NFATC3: variants seen among roughly 807,000 people sequenced by gnomAD.
NFATC3 encodes nuclear factor of activated T-cells, cytoplasmic 3.
Under a neutral mutation model 98.6 loss-of-function variants are expected in NFATC3, and 46 were observed. The observed-to-expected ratio is 0.47, with a 90% CI of 0.37 to 0.60. The LOEUF is 0.60. Ranked by LOEUF, NFATC3 falls within the 20% of genes least tolerant of loss-of-function variation. NFATC3 has a pLI of 0.00. For synonymous variants in NFATC3, 512 were observed against 472.2 expected (o/e 1.08, Z -1.09); for missense variants, 1,256 against 1,295.5 (o/e 0.97, Z 0.47).
At chr16:68,150,724 T>C (rs778077533) in intron 3 of NFATC3, among the ~76,000 whole-genome samples, 2 of 152,226 alleles carry the variant, frequency 1.3e-5, no homozygotes, top group African/African-American at 2.4e-5. Flanking sequence ...AATCTCATCT[T>C]GAATTGTAAT....
At position 68,094,571 on chromosome 16, in the gene NFATC3, G is replaced by C. The variant is rs79314716; in HGVS notation, c.103+8787G>C. On this transcript the variant is annotated intron_variant, in intron 1 of 9. Transcript: ENST00000346183. ...CATTTATTCTTCTCTCTCAAGATCA[G>C]TACTCTTTTGGATTTTCTCTCTCTC... Among the ~76,000 whole-genome samples, 551 of 152,172 alleles carry C rather than the reference G, an allele frequency of 3.6e-3. 6 individuals carry two copies. The highest frequency in any genetic ancestry group is 0.012 in the African/African-American group (509 of 41,526).
rs145880907 is a variant in NFATC3 at position 68,191,402 on chromosome 16, A to G, written c.2733A>G (p.Gln911=). The stretch of plus-strand genomic sequence containing the variant: ...CAGGTCAGCCTTCGTCTCAGTTACA[A>G]CCTATTACATATGGTCCTTCACATT... The part of the protein sequence containing the change: ...QITGQPSSQL[Q]PITYGPSHSG... The change falls in exon 9 of 10, where the codon CAA becomes CAG. Residue 911 remains glutamine, a synonymous_variant. Transcript: ENST00000346183. 1.5e-5 allele frequency: 24 copies of G among 1,613,920 alleles called. No homozygotes were observed. The highest frequency in any genetic ancestry group is 2.2e-5 in the East Asian group (1 of 44,892).
intron 5 of NFATC3, among the ~76,000 whole-genome samples, chr16:68,173,064 C>G (rs112210284): frequency 0.047 from 7,060 of 151,540 alleles, 520 homozygotes; most frequent in African/African-American, 0.16. Context: ...CGAGAACAGC[C>G]TGGGCAACAA....
chr16:68,137,948 C>T (rs1468063438), intron 3 of NFATC3, among the ~76,000 whole-genome samples: 1 of 150,738 alleles, frequency 6.6e-6, no homozygotes, highest in Non-Finnish European at 1.5e-5. Context: ...AACACTTTCA[C>T]GTTATCTCAT....
chr16:68,125,791 A>G (rs759433866), intron 2 of NFATC3, among the ~76,000 whole-genome samples: 4 of 152,234 alleles, frequency 2.6e-5, no homozygotes, highest in African/African-American at 7.2e-5. Context: ...CATAGTTGAG[A>G]AAAATTTACA....
At chr16:68,187,082 G>A (rs2040235640) in intron 8 of NFATC3, among the ~76,000 whole-genome samples, 1 of 152,226 alleles carries the variant, frequency 6.6e-6, no homozygotes, top group Non-Finnish European at 1.5e-5. Flanking sequence ...GTGAGTGAGT[G>A]AGCGTGGGGT....
At chr16:68,214,299 T>A (rs760208406) in intron 9 of NFATC3, 18 of 1,562,590 alleles carry the variant, frequency 1.2e-5, no homozygotes, top group Non-Finnish European at 1.6e-5. Flanking sequence ...TTTGTTCCAT[T>A]CAGTAGTGAT....
intron 1 of NFATC3, among the ~76,000 whole-genome samples, chr16:68,095,867 G>A (rs559054273): frequency 3.9e-5 from 6 of 152,304 alleles, no homozygotes; most frequent in Non-Finnish European, 8.8e-5. Context: ...ATTCATTTTT[G>A]TTGTGTGGTT....
intron 4 of NFATC3, among the ~76,000 whole-genome samples, chr16:68,163,847 G>T: frequency 1.3e-5 from 2 of 151,326 alleles, no homozygotes; most frequent in Admixed American, 6.6e-5. Context: ...ATGGGATGGC[G>T]GCCGGGAAGA....
intron 9 of NFATC3, chr16:68,217,644 C>A (rs1169052971): frequency 8.1e-7 from 1 of 1,230,866 alleles, no homozygotes; most frequent in Non-Finnish European, 1.0e-6. Flanking sequence ...TAGGAAATTT[C>A]TCTCACACCT....
chr16:68,166,564 T>C (rs1030043828), intron 4 of NFATC3, among the ~76,000 whole-genome samples: 2 of 152,190 alleles, frequency 1.3e-5, no homozygotes, highest in African/African-American at 2.4e-5. Flanking sequence ...GCATAGATAC[T>C]CTACGTCTTA....
At chr16:68,171,622 C>G (rs928600379) in intron 5 of NFATC3, among the ~76,000 whole-genome samples, 1 of 151,708 alleles carries the variant, frequency 6.6e-6, no homozygotes, top group African/African-American at 2.4e-5. Flanking sequence ...TACAGGCATG[C>G]ACCACTGTGC....
intron 9 of NFATC3, chr16:68,192,228 A>ATATATATATATATAT (rs1380467877): frequency 1.4e-5 from 1 of 72,502 alleles, no homozygotes; most frequent in South Asian, 4.2e-4. Flanking sequence ...AAAAAAAAAA[A>ATATATATATATATAT]AAATATATAT....
At chr16:68,110,638 TTG>T (rs1468594574) in intron 1 of NFATC3, among the ~76,000 whole-genome samples, 1 of 152,070 alleles carries the variant, frequency 6.6e-6, no homozygotes, top group African/African-American at 2.4e-5. Flanking sequence ...AAGGGTTTTT[TTG>T]TGTCTCTGTC....
intron 1 of NFATC3, among the ~76,000 whole-genome samples, chr16:68,088,387 TA>T: frequency 6.9e-6 from 1 of 145,918 alleles, no homozygotes; most frequent in South Asian, 2.1e-4. Context: ...ATATAATGTA[TA>T]TTTCATATAT....
At chr16:68,205,787 G>A (rs919263778) in intron 9 of NFATC3, among the ~76,000 whole-genome samples, 2 of 151,988 alleles carry the variant, frequency 1.3e-5, no homozygotes, top group African/African-American at 4.8e-5. Flanking sequence ...AATCTTGAGA[G>A]ATTATTCTAT....
At chr16:68,086,505 A>G (rs1235834449) in intron 1 of NFATC3, 3 of 235,914 alleles carry the variant, frequency 1.3e-5, no homozygotes, top group African/African-American at 4.7e-5. Flanking sequence ...GAATTGGGAA[A>G]GCTGGGCACC....
chr16:68,193,195 G>T (rs930578407), intron 9 of NFATC3, among the ~76,000 whole-genome samples: 1 of 152,076 alleles, frequency 6.6e-6, no homozygotes, highest in Non-Finnish European at 1.5e-5. Flanking sequence ...TTTAAAGGGG[G>T]TATGTGGATA....
At chr16:68,146,946 T>TA (rs2038068986) in intron 3 of NFATC3, among the ~76,000 whole-genome samples, 1 of 152,262 alleles carries the variant, frequency 6.6e-6, no homozygotes, top group African/African-American at 2.4e-5. Context: ...GGAAATCAGA[T>TA]GGGATAATAG....
Sources: gnomAD v4.1 joint callset for allele counts (sites outside exome capture counted in the v4.1 genomes callset) on GRCh38, gnomAD v4.1.1 for gene constraint, MANE v1.5 for transcripts, NCBI Gene and HGNC (gene_info 2026-07-23, HGNC 2026-07-21) for gene names.